Variants in SOX9 observed in about 807,000 individuals in gnomAD.
SOX9 encodes SRY-box transcription factor 9, also known as transcription factor SOX-9.
A neutral mutation model predicts 44.8 loss-of-function variants in SOX9; 2 were observed. The observed-to-expected ratio is 0.04, with a 90% CI of 0.02 to 0.14. SOX9 has a LOEUF of 0.14. SOX9 is among the 10% of genes least tolerant of loss of function. SOX9 has a pLI of 1.00. For synonymous variants in SOX9, 381 were observed against 331.8 expected (o/e 1.15, Z -1.61); for missense variants, 583 against 728.6 (o/e 0.80, Z 2.30).
chr17:72,123,465 C>A lies in SOX9; in HGVS notation c.686-78C>A, dbSNP rs891556919. On this transcript the variant is annotated intron_variant, in intron 2 of 2. Transcript: ENST00000245479. This position sits in a 1 kb window ranked among gnomAD's most constrained non-coding sequence, Gnocchi z 6.5. ...TTACACTTTAGCAGCGAGGGAGGGT[C>A]CCCGGAGGGTGCCTAAGACTAGGGC... 27 of 1,592,562 alleles carry A rather than the reference C, an allele frequency of 1.7e-5. No homozygotes were observed. The highest frequency in any genetic ancestry group is 2.2e-5 in the Non-Finnish European group (25 of 1,162,376).
chr17:72,123,773 G>T lies in SOX9; in HGVS notation c.916G>T (p.Val306Leu), dbSNP rs779386878. ...QYLPPNGHPG[V>L]PATHGQVTYT... is the part of the protein sequence containing the mutation. ...CCTGCCGCCCAACGGCCACCCGGGG[G>T]TGCCGGCCACGCACGGCCAGGTCAC... The change falls in exon 3 of 3, where the codon GTG (valine) becomes TTG (leucine). Residue 306 changes from valine to leucine, a missense_variant. Physicochemically the swap from Val to Leu is conservative, Grantham distance 32. Around this residue, in one of 7 missense-constraint regions of SOX9, gnomAD observed 349 missense variants for 387.0 expected, o/e 0.90. Transcript: ENST00000245479. The surrounding 1 kb of genome is among the most constrained non-coding windows in gnomAD (Gnocchi z 6.5). 2.5e-6 allele frequency: 4 copies of T among 1,613,288 alleles called. No homozygotes were observed. In the South Asian group the frequency reaches 4.4e-5, roughly 18 times the overall value.
At position 72,122,894 on chromosome 17, in the gene SOX9, A is replaced by G. The variant is rs1222573664; in HGVS notation, c.607A>G (p.Ile203Val). ...GCAGACGCACATCTCCCCCAACGCC[A>G]TCTTCAAGGCGCTGCAGGCCGACTC... ...TEQTHISPNA[I>V]FKALQADSPH... Residue 203 changes from isoleucine (I) to valine (V), a missense_variant, in exon 2 of 3, where the codon ATC (isoleucine) becomes GTC (valine). Ile to Val is a conservative substitution (Grantham distance 29). Around this residue, in one of 7 missense-constraint regions of SOX9, gnomAD observed 88 missense variants for 65.5 expected, o/e 1.34. Coordinates refer to ENST00000245479, the MANE Select transcript of SOX9 (RefSeq NM_000346.4). 11 of 1,614,020 alleles carry G rather than the reference A, an allele frequency of 6.8e-6. No individual in the cohort carries two copies. The highest frequency in any genetic ancestry group is 9.3e-6 in the Non-Finnish European group (11 of 1,180,028).
Position 72,124,505 on chromosome 17 carries a change from T to A in SOX9, c.*118T>A. 7.8e-7 allele frequency: 1 copy of A among 1,278,754 alleles called. No homozygotes were observed. The highest frequency in any genetic ancestry group is 1.1e-6 in the Non-Finnish European group (1 of 906,234). 79.2% of individuals were successfully genotyped at this position (1,278,754 alleles called of 1,614,324 possible). ...TGTTTTTTTGTTTTTTTATTTTGTT[T>A]TGTTTTTTCTTCTTCTTCTTCTTCC... On this transcript the variant is annotated 3_prime_UTR_variant, in exon 3 of 3. Transcript: ENST00000245479. This position sits in a 1 kb window ranked among gnomAD's most constrained non-coding sequence, Gnocchi z 4.6.
At position 72,122,881 on chromosome 17, in the gene SOX9, C is replaced by A. The variant is rs1231392958; in HGVS notation, c.594C>A (p.Ile198=). 1 of 1,614,206 alleles carries A rather than the reference C, an allele frequency of 6.2e-7. No individual in the cohort carries two copies. The highest frequency in any genetic ancestry group is 8.5e-7 in the Non-Finnish European group (1 of 1,180,034). ...EAEEATEQTH[I]SPNAIFKALQ... is the part of the protein sequence containing the mutation. ...AGGAGGCCACGGAGCAGACGCACAT[C>A]TCCCCCAACGCCATCTTCAAGGCGC... The change falls in exon 2 of 3, where the codon ATC becomes ATA. Residue 198 remains isoleucine, a synonymous_variant. Transcript: ENST00000245479.
chr17:72,121,285 G>C lies in SOX9; in HGVS notation c.-107G>C, dbSNP rs920069812. On this transcript the variant is annotated 5_prime_UTR_variant, in exon 1 of 3. Transcript: ENST00000245479. The surrounding 1 kb of genome is among the most constrained non-coding windows in gnomAD (Gnocchi z 8.3). ...GCGCCAGCTTCCCCGGGAGCCGCTT[G>C]CTCCGCATCCGGGCAGCCGAGGGGA... 168 of 1,050,332 alleles carry C rather than the reference G, an allele frequency of 1.6e-4. No homozygotes were observed. The highest frequency in any genetic ancestry group is 2.3e-4 in the Non-Finnish European group (160 of 701,012). 65.1% of individuals were successfully genotyped at this position (1,050,332 alleles called of 1,614,324 possible).
rs1908270750 is a variant in SOX9 at position 72,125,910 on chromosome 17, G to T, written c.*1523G>T. On this transcript the variant is annotated 3_prime_UTR_variant, in exon 3 of 3. Coordinates refer to ENST00000245479, the MANE Select transcript of SOX9 (RefSeq NM_000346.4). ...CTGCCTTATATTGTGTGTGTGTGTG[G>T]GTGTGTGTGTGTTTTGACACAAAAA... 1.3e-5 allele frequency: 3 copies of T among 228,416 alleles called. No individual in the cohort carries two copies. Among genetic ancestry groups the T allele is most frequent in the Non-Finnish European group, 1.7e-5 (2 of 114,954 alleles). 14.1% of individuals were successfully genotyped at this position (228,416 alleles called of 1,614,324 possible).
In SOX9 at chr17:72,123,089, G is replaced by A. The variant is rs1908159828; in HGVS notation, c.685+117G>A. The A allele has an allele frequency of 7.8e-7, 1 of 1,289,844 alleles. No individual in the cohort carries two copies. Among genetic ancestry groups the A allele is most frequent in the Non-Finnish European group, 1.1e-6 (1 of 923,034 alleles). The allele number at this position is 1,289,844 out of a possible 1,614,324, so 79.9% of individuals were successfully genotyped here. ...TTATGCTTCCCGGGAGGGACACACT[G>A]CCCTTTGCGCCCGTCCCGCTCCCCT... On this transcript the variant is annotated intron_variant, in intron 2 of 2. Transcript: ENST00000245479. The surrounding 1 kb of genome is among the most constrained non-coding windows in gnomAD (Gnocchi z 6.5).
rs1258719771 is a variant in SOX9, at chr17:72,125,244, C to T, written c.*857C>T. 4 of 228,464 alleles carry T rather than the reference C, an allele frequency of 1.8e-5. No individual in the cohort carries two copies. The highest frequency in any genetic ancestry group is 5.7e-5 in the Admixed American group (1 of 17,576). The allele number at this position is 228,464 out of a possible 1,614,324, so 14.2% of individuals were successfully genotyped here. On this transcript the variant is annotated 3_prime_UTR_variant, in exon 3 of 3. Coordinates refer to ENST00000245479, the MANE Select transcript of SOX9 (RefSeq NM_000346.4). Reference sequence around the variant, plus strand: ...GAGAAAAACACCTTGAGCCTTAAAACGGTGCTGCTGGGAAACATTTGCACT... The same window carrying T: ...GAGAAAAACACCTTGAGCCTTAAAATGGTGCTGCTGGGAAACATTTGCACT...
chr17:72,121,240 C>A lies in SOX9; in HGVS notation c.-152C>A, dbSNP rs375345768. On this transcript the variant is annotated 5_prime_UTR_variant, in exon 1 of 3. Coordinates refer to ENST00000245479, the MANE Select transcript of SOX9 (RefSeq NM_000346.4). The surrounding 1 kb of genome is among the most constrained non-coding windows in gnomAD (Gnocchi z 8.3). ...GCCACCCCGCGCCTTCCTAAGTGCTCGCCGCGGTAGCCGGCCGACGCGCCA... is the reference window on the plus strand; with the variant it reads ...GCCACCCCGCGCCTTCCTAAGTGCTAGCCGCGGTAGCCGGCCGACGCGCCA... The A allele has an allele frequency of 1.4e-6, 1 of 698,656 alleles. No individual in the cohort carries two copies. 43.3% of individuals were successfully genotyped at this position (698,656 alleles called of 1,614,324 possible).
chr17:72,123,647 A>G lies in SOX9; in HGVS notation c.790A>G (p.Arg264Gly), dbSNP rs2143251066. The change falls in exon 3 of 3, where the codon AGA becomes GGA. Residue 264 changes from arginine to glycine, a missense_variant. By Grantham distance (125) the Arg-to-Gly change is moderately radical. Coordinates refer to ENST00000245479, the MANE Select transcript of SOX9 (RefSeq NM_000346.4). The surrounding 1 kb of genome is among the most constrained non-coding windows in gnomAD (Gnocchi z 6.5). The part of the protein sequence containing the change: ...REGRPLPEGG[R>G]QPPIDFRDVD... ...GGGGCGCCCCTTGCCAGAGGGGGGC[A>G]GACAGCCCCCTATCGACTTCCGCGA... The G allele has an allele frequency of 6.7e-7, 1 of 1,492,978 alleles. No homozygotes were observed. Among genetic ancestry groups the G allele is most frequent in the Non-Finnish European group, 9.0e-7 (1 of 1,107,068 alleles). 92.5% of individuals were successfully genotyped at this position (1,492,978 alleles called of 1,614,324 possible).
In SOX9 at chr17:72,121,564, C is replaced by G. The variant is rs770917232; in HGVS notation, c.173C>G (p.Pro58Arg). The change falls in exon 1 of 3, where the codon CCC (proline) becomes CGC (arginine). Residue 58 changes from proline to arginine, a missense_variant. Transcript: ENST00000245479. The surrounding 1 kb of genome is among the most constrained non-coding windows in gnomAD (Gnocchi z 8.3). ...PQENTFPKGE[P>R]DLKKESEEDK... ...GAGAACACGTTCCCCAAGGGCGAGC[C>G]CGATCTGAAGAAGGAGAGCGAGGAG... is the stretch of plus-strand genomic sequence containing the variant. 3.7e-6 allele frequency: 6 copies of G among 1,609,158 alleles called. No individual in the cohort carries two copies. The African/African-American group carries it at 8.0e-5, about 22-fold the overall frequency.
In SOX9 at chr17:72,125,198, A is replaced by G. The variant is rs1042673; in HGVS notation, c.*811A>G. ...AGAGAAGCATTTGGTAAGCTTTATCATATATATATTTTTTAAAGAAGAGAA... is the reference window on the plus strand; with the variant it reads ...AGAGAAGCATTTGGTAAGCTTTATCGTATATATATTTTTTAAAGAAGAGAA... On this transcript the variant is annotated 3_prime_UTR_variant, in exon 3 of 3. Coordinates refer to ENST00000245479, the MANE Select transcript of SOX9 (RefSeq NM_000346.4). 0.51 allele frequency: 115,698 copies of G among 225,772 alleles called. 31,102 individuals are homozygous for G. Among genetic ancestry groups the G allele is most frequent in the East Asian group, 0.79 (12,261 of 15,534 alleles). The allele number at this position is 225,772 out of a possible 1,614,324, so 14.0% of individuals were successfully genotyped here.
rs2143259103 is a variant in SOX9 at position 72,124,376 on chromosome 17, A to T, written c.1519A>T (p.Thr507Ser). The T allele has an allele frequency of 6.2e-7, 1 of 1,600,150 alleles. No individual in the cohort carries two copies. The highest frequency in any genetic ancestry group is 8.5e-7 in the Non-Finnish European group (1 of 1,179,946). ...GGAACAACCCGTCTACACACAGCTCACTCGACCTTGAGGAGGCCTCCCACG... is the reference window on the plus strand; with the variant it reads ...GGAACAACCCGTCTACACACAGCTCTCTCGACCTTGAGGAGGCCTCCCACG... ...HWEQPVYTQL[T>S]RP Residue 507 changes from threonine (T) to serine (S), a missense_variant, in exon 3 of 3, where the codon ACT becomes TCT. Transcript: ENST00000245479. The surrounding 1 kb of genome is among the most constrained non-coding windows in gnomAD (Gnocchi z 4.6).
chr17:72,122,152 G>C (rs1908116430), intron 1 of SOX9, among the ~76,000 whole-genome samples: 4 of 151,930 alleles, frequency 2.6e-5, no homozygotes, highest in Admixed American at 6.6e-5. Flanking sequence ...GGGCGGGGAA[G>C]TGAAACTTGC....
At position 72,126,365 on chromosome 17, in the gene SOX9, T is replaced by TC. The variant is rs1491360565; in HGVS notation, c.*1978_*1979insC. On this transcript the variant is annotated 3_prime_UTR_variant, in exon 3 of 3. Transcript: ENST00000245479. ...ACTTACCTTTCCCTTTTTCTTTCTC[T>TC]TTTTTTTTTTTGTATATTATTGTTT... 6.4e-5 allele frequency: 3 copies of TC among 46,662 alleles called. No homozygotes were observed. Among genetic ancestry groups the TC allele is most frequent in the African/African-American group, 1.1e-4 (1 of 8,738 alleles). 2.9% of individuals were successfully genotyped at this position (46,662 alleles called of 1,614,324 possible).
Position 72,122,871 on chromosome 17 carries a change from A to C in SOX9, c.584A>C (p.Gln195Pro). ...GCGGAGGCAGAGGAGGCCACGGAGC[A>C]GACGCACATCTCCCCCAACGCCATC... ...GQAEAEEATEQTHISPNAIFK... is the reference protein window; with the variant it reads ...GQAEAEEATEPTHISPNAIFK... The change falls in exon 2 of 3, where the codon CAG (glutamine) becomes CCG (proline). Residue 195 changes from glutamine to proline, a missense_variant. Coordinates refer to ENST00000245479, the MANE Select transcript of SOX9 (RefSeq NM_000346.4). 6.2e-7 allele frequency: 1 copy of C among 1,614,174 alleles called. No homozygotes were observed. Among genetic ancestry groups the C allele is most frequent in the African/African-American group, 1.3e-5 (1 of 75,046 alleles).
At position 72,123,670 on chromosome 17, in the gene SOX9, C is replaced by T. The variant is rs1908181707; in HGVS notation, c.813C>T (p.Arg271=). ...EGGRQPPIDF[R]DVDIGELSSD... is the part of the protein sequence containing the mutation. The stretch of plus-strand genomic sequence containing the variant: ...GCAGACAGCCCCCTATCGACTTCCG[C>T]GACGTGGACATCGGCGAGCTGAGCA... Residue 271 remains arginine (R), a synonymous_variant, in exon 3 of 3, where the codon CGC becomes CGT. Coordinates refer to ENST00000245479, the MANE Select transcript of SOX9 (RefSeq NM_000346.4). The surrounding 1 kb of genome is among the most constrained non-coding windows in gnomAD (Gnocchi z 6.5). The T allele has an allele frequency of 6.2e-7, 1 of 1,614,078 alleles. No individual in the cohort carries two copies.
At position 72,124,644 on chromosome 17, in the gene SOX9, A is replaced by G. The variant is rs1598177270; in HGVS notation, c.*257A>G. The G allele has an allele frequency of 1.4e-5, 8 of 579,440 alleles. No individual in the cohort carries two copies. In the East Asian group the frequency reaches 2.0e-4, roughly 15 times the overall value. 35.9% of individuals were successfully genotyped at this position (579,440 alleles called of 1,614,324 possible). A position where few individuals can be genotyped will look rare whatever the true frequency, so the allele number is the denominator to read the frequency against. On this transcript the variant is annotated 3_prime_UTR_variant, in exon 3 of 3. Transcript: ENST00000245479. This position sits in a 1 kb window ranked among gnomAD's most constrained non-coding sequence, Gnocchi z 4.6. ...ATCAGTGGCCAGGCCAACCTTGGCT[A>G]AATGGAGCAGCGAAATCAACGAGAA... is the stretch of plus-strand genomic sequence containing the variant.
chr17:72,125,570 T>C lies in SOX9; in HGVS notation c.*1183T>C, dbSNP rs1187867230. On this transcript the variant is annotated 3_prime_UTR_variant, in exon 3 of 3. Transcript: ENST00000245479. ...AAAAAAATTCTTTTTTTTTTTTTTTTCCAATTTTACCTTCTTTAAAATAGG... is the reference window on the plus strand; with the variant it reads ...AAAAAAATTCTTTTTTTTTTTTTTTCCCAATTTTACCTTCTTTAAAATAGG... 9.2e-6 allele frequency: 2 copies of C among 217,796 alleles called. No individual in the cohort carries two copies. The highest frequency in any genetic ancestry group is 5.9e-5 in the Admixed American group (1 of 16,930). The allele number at this position is 217,796 out of a possible 1,614,324, so 13.5% of individuals were successfully genotyped here.
Sources: allele counts gnomAD v4.1 joint callset (sites outside exome capture counted in the v4.1 genomes callset), GRCh38; gene constraint gnomAD v4.1.1; regional missense constraint gnomAD v4.1.1; non-coding constraint Gnocchi (gnomAD v3.1); transcripts MANE v1.5; gene names NCBI Gene and HGNC (gene_info 2026-07-23, HGNC 2026-07-21).